The following TTC7A variants were observed in gnomAD, a reference collection of about 807,000 sequenced individuals.
TTC7A encodes tetratricopeptide repeat protein 7A.
In TTC7A, 110 loss-of-function variants were observed where a neutral mutation model predicts 103.7. The ratio of observed to expected loss-of-function variants is 1.06; its 90% confidence interval spans 0.91 to 1.24. The LOEUF (loss-of-function observed/expected upper bound fraction) is 1.24, where lower values mean the gene tolerates loss of function less well. TTC7A is among the 50% of genes most tolerant of loss of function. The pLI is 0.00. For missense variants in TTC7A, 1,340 were observed against 1,116.3 expected (o/e 1.20, Z -2.86); for synonymous variants, 521 against 467.9 (o/e 1.11, Z -1.47).
intron 2 of TTC7A, among the ~76,000 whole-genome samples, chr2:46,933,942 G>A (rs1278084666): frequency 2.0e-5 from 3 of 152,174 alleles, no homozygotes; most frequent in African/African-American, 7.2e-5. Context: ...GTGGAAGGTG[G>A]GGAGGGCATC....
chr2:46,963,797 G>A (rs2104099049), intron 3 of TTC7A, among the ~76,000 whole-genome samples: 1 of 152,234 alleles, frequency 6.6e-6, no homozygotes, highest in African/African-American at 2.4e-5. Context: ...CATGGTTCTT[G>A]CAGTATGGCA....
At chr2:46,981,116 C>T (rs555478625) in intron 5 of TTC7A, among the ~76,000 whole-genome samples, 1 of 152,308 alleles carries the variant, frequency 6.6e-6, no homozygotes, top group East Asian at 1.9e-4. Context: ...AACCTTCAGC[C>T]CCTCTCTGGC....
chr2:46,936,040 A>G (rs1669960297), intron 2 of TTC7A, among the ~76,000 whole-genome samples: 1 of 152,178 alleles, frequency 6.6e-6, no homozygotes, highest in Admixed American at 6.5e-5. Flanking sequence ...GCAGTGAGCT[A>G]TGATTGCACC....
intron 10 of TTC7A, among the ~76,000 whole-genome samples, chr2:47,008,796 G>A (rs1022341260): frequency 6.6e-6 from 1 of 151,970 alleles, no homozygotes; most frequent in Admixed American, 6.6e-5. Flanking sequence ...CTGGGTAGTT[G>A]AACCTGCAGG....
At chr2:47,012,378 C>T (rs1048176407) in intron 11 of TTC7A, among the ~76,000 whole-genome samples, 2 of 152,228 alleles carry the variant, frequency 1.3e-5, no homozygotes, top group African/African-American at 4.8e-5. Context: ...CCACCCACAT[C>T]TCCCCAGTTC....
Position 46,987,807 on chromosome 2 carries a change from C to CGTGTGTGT in TTC7A, c.765-5642_765-5641insTGTGTGTG, listed in dbSNP as rs1234466462. On this transcript the variant is annotated intron_variant, in intron 5 of 19. Coordinates refer to ENST00000319190, the MANE Select transcript of TTC7A (RefSeq NM_020458.4). ...CCGGTGAAAGCACTGTCCCTTTCCG[C>CGTGTGTGT]GCGTGTGTGTGTGTGTGTGTGTGTG... 4.1e-4 allele frequency among the ~76,000 whole-genome samples: 45 copies of CGTGTGTGT among 110,106 alleles called. No homozygotes were observed. The East Asian group carries it at 8.5e-3, about 21-fold the overall frequency. 72.2% of individuals were successfully genotyped at this position (110,106 alleles called of 152,430 possible).
intron 19 of TTC7A, among the ~76,000 whole-genome samples, chr2:47,069,813 A>G (rs767482437): frequency 7.9e-5 from 12 of 152,210 alleles, no homozygotes; most frequent in Admixed American, 2.6e-4. Flanking sequence ...CCCTTTCTGT[A>G]GAGCAGGCTC....
chr2:46,932,722 G>A (rs1669772435), intron 2 of TTC7A, among the ~76,000 whole-genome samples: 2 of 151,558 alleles, frequency 1.3e-5, no homozygotes, highest in Non-Finnish European at 2.9e-5. Flanking sequence ...CCAACAAGGT[G>A]AAACCCCATC....
intron 19 of TTC7A, among the ~76,000 whole-genome samples, chr2:47,071,679 G>C (rs541125631): frequency 1.3e-5 from 2 of 152,260 alleles, no homozygotes; most frequent in South Asian, 4.1e-4. Flanking sequence ...AGCAAGCCCT[G>C]AGCTTTTTCC....
chr2:46,956,554 G>C (rs1239620568), intron 2 of TTC7A: 1 of 391,056 alleles, frequency 2.6e-6, no homozygotes, highest in Non-Finnish European at 4.7e-6. Context: ...GGAAGACAGG[G>C]CCTAGTCTGC....
chr2:47,072,391 A>C (rs1684826678), intron 19 of TTC7A, among the ~76,000 whole-genome samples: 1 of 152,052 alleles, frequency 6.6e-6, no homozygotes, highest in African/African-American at 2.4e-5. Context: ...GCGCCTCTGG[A>C]GAGGGAGAGG....
intron 4 of TTC7A, among the ~76,000 whole-genome samples, chr2:46,976,071 T>C (rs930952118): frequency 2.0e-5 from 3 of 151,772 alleles, no homozygotes; most frequent in South Asian, 4.2e-4. Flanking sequence ...TACTATGCCA[T>C]GAGGGGCCCT....
chr2:46,927,811 G>T (rs1480536604), intron 2 of TTC7A, among the ~76,000 whole-genome samples: 2 of 149,652 alleles, frequency 1.3e-5, no homozygotes, highest in Non-Finnish European at 3.0e-5. Context: ...GAGTAAACGT[G>T]AGAAGACATT....
chr2:47,023,521 C>G (rs1318255494), intron 13 of TTC7A, 56 bp downstream of exon 13: 99 of 1,570,210 alleles, frequency 6.3e-5, no homozygotes, highest in Non-Finnish European at 9.6e-6. Flanking sequence ...GGCAGATTCA[C>G]AAGCTTTACG....
At chr2:46,978,934 G>A (rs990755759) in intron 5 of TTC7A, 27 bp downstream of exon 5, 3 of 1,536,186 alleles carry the variant, frequency 2.0e-6, no homozygotes, top group Non-Finnish European at 1.8e-6. Context: ...TGAGTGAGTG[G>A]GAGAACGATT....
At chr2:47,061,477 A>G (rs6713231) in intron 19 of TTC7A, among the ~76,000 whole-genome samples, 1,840 of 152,274 alleles carry the variant, frequency 0.012, 42 homozygotes, top group African/African-American at 0.042. Flanking sequence ...ACCTGTCTCA[A>G]GCACACACTG....
intron 15 of TTC7A, among the ~76,000 whole-genome samples, chr2:47,030,713 G>C (rs1044221716): frequency 2.0e-5 from 3 of 152,146 alleles, no homozygotes; most frequent in Non-Finnish European, 2.9e-5. Flanking sequence ...TGCCCCGCCT[G>C]TTCCCCCTCC....
intron 2 of TTC7A, among the ~76,000 whole-genome samples, chr2:46,925,789 A>T (rs1310769639): frequency 2.0e-5 from 3 of 152,232 alleles, no homozygotes; most frequent in African/African-American, 7.2e-5. Context: ...AGGGATTAAA[A>T]GTCAATGGAA....
chr2:46,956,040 C>T (rs565521625), intron 2 of TTC7A, among the ~76,000 whole-genome samples: 131 of 152,306 alleles, frequency 8.6e-4, no homozygotes, highest in Non-Finnish European at 1.5e-3. Context: ...GTGGCACAGC[C>T]CAGGGCCAGC....
Sources: allele counts gnomAD v4.1 joint callset (sites outside exome capture counted in the v4.1 genomes callset), GRCh38; gene constraint gnomAD v4.1.1; transcripts MANE v1.5; gene names NCBI Gene and HGNC (gene_info 2026-07-23, HGNC 2026-07-21).